Variants in DNAH5 observed in about 807,000 individuals in gnomAD.
DNAH5 encodes the protein dynein axonemal heavy chain 5.
DNAH5 carries 372 observed loss-of-function variants against 518.2 expected under a neutral mutation model. That is an observed-to-expected ratio of 0.72 (90% CI 0.66 to 0.78). DNAH5 has a LOEUF of 0.78. DNAH5 is among the 30% of genes least tolerant of loss of function. The pLI, the probability that DNAH5 is intolerant of heterozygous loss-of-function variation, is 0.00. For synonymous variants in DNAH5, 2,039 were observed against 2,025.9 expected (o/e 1.01, Z -0.17); for missense variants, 5,523 against 5,687.0 (o/e 0.97, Z 0.93).
intron 29 of DNAH5, among the ~76,000 whole-genome samples, chr5:13,860,776 A>C (rs967840197): frequency 2.6e-5 from 4 of 152,178 alleles, no homozygotes; most frequent in Admixed American, 1.3e-4. Context: ...TTTACAGACA[A>C]ACTTAATCCT....
intron 1 of DNAH5, among the ~76,000 whole-genome samples, chr5:13,970,239 T>C (rs1470538750): frequency 1.3e-5 from 2 of 152,256 alleles, no homozygotes; most frequent in East Asian, 3.8e-4. Context: ...TGGATTCTTA[T>C]GCATTCTGCC....
chr5:13,780,578 T>C (rs1754947671), intron 53 of DNAH5, among the ~76,000 whole-genome samples: 1 of 152,224 alleles, frequency 6.6e-6, no homozygotes, highest in Non-Finnish European at 1.5e-5. Context: ...TGTAATACAC[T>C]ATCATATATA....
At chr5:13,754,832 C>A (rs1292265930) in intron 61 of DNAH5, among the ~76,000 whole-genome samples, 1 of 152,074 alleles carries the variant, frequency 6.6e-6, no homozygotes, top group Non-Finnish European at 1.5e-5. Context: ...GCCACCGCAC[C>A]TGACCAGTGC....
At chr5:13,702,453 G>A (rs1031736195) in intron 76 of DNAH5, among the ~76,000 whole-genome samples, 2 of 152,216 alleles carry the variant, frequency 1.3e-5, no homozygotes, top group Middle Eastern at 3.4e-3. Context: ...TACTACGTTC[G>A]GTCTGAGGGC....
chr5:13,857,479 C>T (rs1351532848), intron 30 of DNAH5, among the ~76,000 whole-genome samples: 4 of 152,138 alleles, frequency 2.6e-5, no homozygotes, highest in Non-Finnish European at 5.9e-5. Flanking sequence ...ATCAAGCTAC[C>T]ATTGACTTTC....
At chr5:13,783,582 C>T (rs1755522261) in intron 52 of DNAH5, among the ~76,000 whole-genome samples, 2 of 152,116 alleles carry the variant, frequency 1.3e-5, no homozygotes, top group South Asian at 2.1e-4. Flanking sequence ...ACTCGGGAGG[C>T]TGGCTGGTAA....
rs534856618 is a variant in DNAH5, at chr5:13,919,866, A to G, written c.799-514T>C. Among the ~76,000 whole-genome samples the G allele has an allele frequency of 5.9e-5, 9 of 152,288 alleles. No homozygotes were observed. In the South Asian group the frequency reaches 6.2e-4, roughly 11 times the overall value. On this transcript the variant is annotated intron_variant, in intron 6 of 78. Coordinates refer to ENST00000265104, the MANE Select transcript of DNAH5 (RefSeq NM_001369.3). ...AAAAACCACAATTACTTTTGCACCA[A>G]CCTAACAGTTTGAAATATACAGTAT... is the stretch of plus-strand genomic sequence containing the variant.
At chr5:13,742,883 C>T (rs1204643730) in intron 65 of DNAH5, among the ~76,000 whole-genome samples, 1 of 151,802 alleles carries the variant, frequency 6.6e-6, no homozygotes, top group African/African-American at 2.4e-5. Flanking sequence ...AATACTTGGG[C>T]TCTAGAAAGT....
intron 32 of DNAH5, among the ~76,000 whole-genome samples, chr5:13,844,229 T>C (rs767773822): frequency 5.9e-5 from 9 of 152,132 alleles, no homozygotes; most frequent in Non-Finnish European, 1.3e-4. Context: ...GATGAAGAAA[T>C]GGATGTTACT....
At chr5:13,862,161 T>C (rs1768542911) in intron 29 of DNAH5, among the ~76,000 whole-genome samples, 1 of 129,164 alleles carries the variant, frequency 7.7e-6, no homozygotes. Flanking sequence ...GCAGTCAGGC[T>C]TGTCAGCAGC....
Position 13,961,908 on chromosome 5 carries a change from AT to A in DNAH5, c.13-30665del, listed in dbSNP as rs376577646. 2.0e-3 allele frequency among the ~76,000 whole-genome samples: 244 copies of A among 121,692 alleles called. 1 individual carries two copies. Among genetic ancestry groups the A allele is most frequent in the African/African-American group, 6.3e-3 (234 of 37,300 alleles). The allele number at this position is 121,692 out of a possible 152,430, so 79.8% of individuals were successfully genotyped here. Reference sequence around the variant, plus strand: ...GAACTCAATCACTAACGCTTTTATTATTTGTTTATATTATTTTAATTGTGTC... The same window carrying A: ...GAACTCAATCACTAACGCTTTTATTATTGTTTATATTATTTTAATTGTGTC... On this transcript the variant is annotated intron_variant, in intron 1 of 78. Coordinates refer to the DNAH5 transcript ENST00000681290.
At position 13,840,898 on chromosome 5, in the gene DNAH5, G is replaced by T. The variant is rs747509745; in HGVS notation, c.5709+8C>A. 2 of 1,611,084 alleles carry T rather than the reference G, an allele frequency of 1.2e-6. No homozygotes were observed. The highest frequency in any genetic ancestry group is 1.7e-6 in the Non-Finnish European group (2 of 1,177,286). Reference sequence around the variant, plus strand: ...CTCTACATGCCACAGCATTTATAAAGAATTTACCAGGTCATCAAAGATATC... The same window carrying T: ...CTCTACATGCCACAGCATTTATAAATAATTTACCAGGTCATCAAAGATATC... On this transcript the variant is annotated splice_region_variant and intron_variant, in intron 34 of 78. Coordinates refer to ENST00000265104, the MANE Select transcript of DNAH5 (RefSeq NM_001369.3).
intron 78 of DNAH5, among the ~76,000 whole-genome samples, chr5:13,696,930 C>T (rs1488352920): frequency 6.6e-6 from 1 of 152,132 alleles, no homozygotes; most frequent in Non-Finnish European, 1.5e-5. Flanking sequence ...GGCTAATACC[C>T]AGCAGGGTGG....
chr5:13,730,429 ATTCT>A (rs147879913), intron 68 of DNAH5, among the ~76,000 whole-genome samples: 11 of 151,014 alleles, frequency 7.3e-5, no homozygotes, highest in South Asian at 2.1e-4. Context: ...TCTATGCATT[ATTCT>A]TTCTTTCTTT....
intron 1 of DNAH5, among the ~76,000 whole-genome samples, chr5:13,988,547 A>T (rs1783228485): frequency 6.6e-6 from 1 of 151,476 alleles, no homozygotes; most frequent in Non-Finnish European, 1.5e-5. Context: ...CCTCCAGAGT[A>T]GCTGGGATTA....
At chr5:13,775,809 A>G (rs1291320923) in intron 55 of DNAH5, among the ~76,000 whole-genome samples, 1 of 152,158 alleles carries the variant, frequency 6.6e-6, no homozygotes, top group Non-Finnish European at 1.5e-5. Context: ...ACTACTTGTA[A>G]GGTATTACTG....
chr5:13,694,922 A>G (rs1404234779), intron 78 of DNAH5, among the ~76,000 whole-genome samples: 1 of 152,216 alleles, frequency 6.6e-6, no homozygotes, highest in Non-Finnish European at 1.5e-5. Flanking sequence ...AATTCTCTCA[A>G]TAATCCTATA....
rs143251588 is a variant in DNAH5 at position 13,758,971 on chromosome 5, C to A, written c.10294G>T (p.Val3432Leu). ...GCCAGGAGATGGCGATTCTCTTGCA[C>A]CACCAAGTTGGCCTGCACAGGACAC... is the stretch of plus-strand genomic sequence containing the variant. Reference protein sequence around the residue: ...EVLPLKANLVVQENRHLLAMQ... With the variant: ...EVLPLKANLVLQENRHLLAMQ... The change falls in exon 61 of 79, where the codon GTG (valine) becomes TTG (leucine). Residue 3432 changes from valine (V) to leucine (L), a missense_variant. Physicochemically the swap from Val to Leu is conservative, Grantham distance 32. Coordinates refer to ENST00000265104, the MANE Select transcript of DNAH5 (RefSeq NM_001369.3). 2.8e-4 allele frequency: 458 copies of A among 1,614,134 alleles called. 2 individuals are homozygous for A. The African/African-American group carries it at 5.3e-3, about 19-fold the overall frequency.
In DNAH5 at chr5:13,810,187, G is replaced by T. The variant is rs1428862297; in HGVS notation, c.7481C>A (p.Ala2494Glu). ...GCGCCGTCCGTCCAGCTCCAGCGCC[G>T]CCCCCGCGCTCCACAGCAGCGCGAA... ...FVFALLWSAG[A>E]ALELDGRRRL... The change falls in exon 45 of 79, where the codon GCG becomes GAG. Residue 2494 changes from alanine to glutamate, a missense_variant. By Grantham distance (107) the Ala-to-Glu change is moderately radical. Coordinates refer to ENST00000265104, the MANE Select transcript of DNAH5 (RefSeq NM_001369.3). 1.9e-6 allele frequency: 3 copies of T among 1,549,034 alleles called. No homozygotes were observed. The highest frequency in any genetic ancestry group is 2.6e-6 in the Non-Finnish European group (3 of 1,146,052).
Sources: allele counts gnomAD v4.1 joint callset (sites outside exome capture counted in the v4.1 genomes callset), GRCh38; gene constraint gnomAD v4.1.1; transcripts MANE v1.5; gene names NCBI Gene and HGNC (gene_info 2026-07-23, HGNC 2026-07-21).